The following CDH20 variants were observed in gnomAD, a reference collection of about 807,000 sequenced individuals.
CDH20 encodes cadherin 20, also known as cadherin-20.
CDH20 carries 29 observed loss-of-function variants against 74.2 expected under a neutral mutation model. The observed-to-expected ratio is 0.39, with a 90% CI of 0.29 to 0.53. The LOEUF (loss-of-function observed/expected upper bound fraction) is 0.53. CDH20 is among the 20% of genes least tolerant of loss of function. CDH20 has a pLI of 0.69. For synonymous variants in CDH20, 469 were observed against 405.4 expected, an observed-to-expected ratio of 1.16 and a Z score of -1.88; for missense variants, 988 against 1,048.3, an observed-to-expected ratio of 0.94 and a Z score of 0.79.
intron 1 of CDH20, among the ~76,000 whole-genome samples, chr18:61,386,010 G>A (rs1288670044): frequency 6.6e-6 from 1 of 151,164 alleles, no homozygotes; most frequent in African/African-American, 2.4e-5. Context: ...AACTTCACTA[G>A]TAATTGAGTG....
chr18:61,416,883 A>G (rs972933087), intron 1 of CDH20, among the ~76,000 whole-genome samples: 2 of 152,256 alleles, frequency 1.3e-5, no homozygotes, highest in African/African-American at 4.8e-5. Context: ...ACAAACACAT[A>G]CATGAAAAAC....
intron 1 of CDH20, among the ~76,000 whole-genome samples, chr18:61,408,638 T>C (rs62098086): frequency 0.035 from 5,364 of 152,326 alleles, 168 homozygotes; most frequent in South Asian, 0.16. Context: ...ACTTGTTTCT[T>C]ACCAGCATTT....
At position 61,545,046 on chromosome 18, in the gene CDH20, C is replaced by T. The variant is rs759320871; in HGVS notation, c.1550C>T (p.Ala517Val). 23 of 1,612,634 alleles carry T rather than the reference C, an allele frequency of 1.4e-5. No individual in the cohort carries two copies. The highest frequency in any genetic ancestry group is 1.7e-4 in the Middle Eastern group (1 of 6,060). The part of the protein sequence containing the change: ...KAGQLIQTVS[A>V]VDQDDPRNGQ... ...CCTCAGCTGATCCAGACAGTGAGTG[C>T]GGTGGACCAAGATGACCCACGCAAT... is the stretch of plus-strand genomic sequence containing the variant. Residue 517 changes from alanine to valine, a missense_variant, in exon 10 of 12, where the codon GCG (alanine) becomes GTG (valine). Ala to Val is a moderately conservative substitution (Grantham distance 64). Coordinates refer to ENST00000262717, the MANE Select transcript of CDH20 (RefSeq NM_031891.4).
chr18:61,364,748 C>T (rs1348140434), intron 1 of CDH20, among the ~76,000 whole-genome samples: 1 of 152,234 alleles, frequency 6.6e-6, no homozygotes, highest in Non-Finnish European at 1.5e-5. Context: ...ATGGAAGCAG[C>T]CTGAGGCTTG....
At chr18:61,475,091 A>G (rs1910321467) in intron 1 of CDH20, among the ~76,000 whole-genome samples, 1 of 152,172 alleles carries the variant, frequency 6.6e-6, no homozygotes, top group African/African-American at 2.4e-5. Flanking sequence ...GAGTGGTCCG[A>G]TAAGATCACT....
At chr18:61,375,817 C>G (rs547463770) in intron 1 of CDH20, among the ~76,000 whole-genome samples, 2 of 152,070 alleles carry the variant, frequency 1.3e-5, no homozygotes, top group African/African-American at 2.4e-5. Context: ...CCAGAACAAC[C>G]ATTTCACTAC....
intron 1 of CDH20, among the ~76,000 whole-genome samples, chr18:61,337,610 T>C (rs2144082110): frequency 6.6e-6 from 1 of 152,314 alleles, no homozygotes; most frequent in Non-Finnish European, 1.5e-5. Context: ...CAAGAAAACA[T>C]ATTTTATGTA....
intron 1 of CDH20, among the ~76,000 whole-genome samples, chr18:61,476,703 C>T (rs1031031685): frequency 6.6e-6 from 1 of 152,120 alleles, no homozygotes; most frequent in African/African-American, 2.4e-5. Flanking sequence ...GTTTCTGATG[C>T]ACTTGAAATG....
chr18:61,408,852 T>C (rs1485127095), intron 1 of CDH20, among the ~76,000 whole-genome samples: 1 of 152,186 alleles, frequency 6.6e-6, no homozygotes, highest in East Asian at 1.9e-4. Flanking sequence ...CTATGTGGAC[T>C]TACAGATTGT....
chr18:61,361,066 A>G (rs563039968), intron 1 of CDH20, among the ~76,000 whole-genome samples: 53 of 152,348 alleles, frequency 3.5e-4, no homozygotes, highest in Non-Finnish European at 7.1e-4. Flanking sequence ...TCATTCAGAC[A>G]GATTATTTTT....
rs374634849 is a variant in CDH20 at position 61,491,697 on chromosome 18, C to T, written c.246+898C>T. 5.3e-5 allele frequency among the ~76,000 whole-genome samples: 8 copies of T among 152,284 alleles called. No homozygotes were observed. In the East Asian group the frequency reaches 1.4e-3, roughly 26 times the overall value. On this transcript the variant is annotated intron_variant, in intron 2 of 11. Transcript: ENST00000262717. ...AAGTTCTTTCCCCAGTGTCCACTCA[C>T]TTCTTAACCCAGGTATCTGGCTTTG...
At chr18:61,345,105 T>A (rs1428474018) in intron 1 of CDH20, among the ~76,000 whole-genome samples, 1 of 152,206 alleles carries the variant, frequency 6.6e-6, no homozygotes, top group Non-Finnish European at 1.5e-5. Flanking sequence ...GACTTCCTGT[T>A]CTTAGGAAGG....
intron 1 of CDH20, among the ~76,000 whole-genome samples, chr18:61,433,163 A>T (rs530348964): frequency 1.3e-5 from 2 of 152,300 alleles, no homozygotes; most frequent in East Asian, 1.9e-4. Flanking sequence ...TTATAATAAA[A>T]TATCACATTA....
At chr18:61,507,634 G>T in intron 6 of CDH20, 74 bp downstream of exon 6, 1 of 1,071,490 alleles carries the variant, frequency 9.3e-7, no homozygotes, top group Non-Finnish European at 1.3e-6. Context: ...AAGGACTGTT[G>T]TATTATTGAT....
Position 61,353,628 on chromosome 18 carries a change from A to AC in CDH20, c.-153+19804dup, listed in dbSNP as rs1568106925. 6.6e-6 allele frequency among the ~76,000 whole-genome samples: 1 copy of AC among 152,100 alleles called. No individual in the cohort carries two copies. The highest frequency in any genetic ancestry group is 1.5e-5 in the Non-Finnish European group (1 of 68,020). On this transcript the variant is annotated intron_variant, in intron 1 of 11. Transcript: ENST00000262717. The surrounding 1 kb of genome is among the most constrained non-coding windows in gnomAD (Gnocchi z 4.6). ...GATTTTGTTCAGTTAAATTTAATGGACCCTCAAATGTAACGGACCACCACC... is the reference window on the plus strand; with the variant it reads ...GATTTTGTTCAGTTAAATTTAATGGACCCCTCAAATGTAACGGACCACCACC...
chr18:61,435,872 G>A (rs111456179), intron 1 of CDH20, among the ~76,000 whole-genome samples: 15 of 151,572 alleles, frequency 9.9e-5, no homozygotes, highest in African/African-American at 2.9e-4. Flanking sequence ...ATTAATTTTC[G>A]GACATTTTCA....
intron 1 of CDH20, among the ~76,000 whole-genome samples, chr18:61,383,442 A>G (rs1453806802): frequency 4.6e-5 from 7 of 152,018 alleles, no homozygotes; most frequent in Non-Finnish European, 1.5e-5. Context: ...TTAGCCAGGC[A>G]TGGTGGCATG....
intron 7 of CDH20, among the ~76,000 whole-genome samples, chr18:61,529,368 C>T (rs530680798): frequency 7.8e-4 from 119 of 152,170 alleles, no homozygotes; most frequent in Non-Finnish European, 1.1e-3. Context: ...TTAACAAGAA[C>T]GGCTTTCTCC....
At chr18:61,367,133 C>T (rs1452859941) in intron 1 of CDH20, among the ~76,000 whole-genome samples, 1 of 152,140 alleles carries the variant, frequency 6.6e-6, no homozygotes, top group Non-Finnish European at 1.5e-5. Context: ...AACATTTCCT[C>T]TCATGTAAAG....
Sources: allele counts gnomAD v4.1 joint callset (sites outside exome capture counted in the v4.1 genomes callset), GRCh38; gene constraint gnomAD v4.1.1; non-coding constraint Gnocchi (gnomAD v3.1); transcripts MANE v1.5; gene names NCBI Gene and HGNC (gene_info 2026-07-23, HGNC 2026-07-21).